Variants in EFL1 observed in about 807,000 individuals in gnomAD.
EFL1 encodes the protein elongation factor like GTPase 1.
Under a neutral mutation model 126.7 loss-of-function variants are expected in EFL1, and 76 were observed. The observed-to-expected ratio is 0.60, with a 90% CI of 0.50 to 0.73. The LOEUF (loss-of-function observed/expected upper bound fraction) is 0.73. Ranked by LOEUF, EFL1 falls within the 30% of genes least tolerant of loss-of-function variation. EFL1 has a pLI of 0.00. For missense variants in EFL1, 1,128 were observed against 1,343.2 expected (o/e 0.84, Z 2.50); for synonymous variants, 410 against 448.4 (o/e 0.91, Z 1.08).
chr15:82,183,199 G>A (rs2074270464), intron 15 of EFL1, among the ~76,000 whole-genome samples: 1 of 152,194 alleles, frequency 6.6e-6, no homozygotes, highest in African/African-American at 2.4e-5. Context: ...CTCAAATGTA[G>A]GGAGAAAGAA....
intron 15 of EFL1, among the ~76,000 whole-genome samples, chr15:82,199,191 A>G (rs1176175575): frequency 6.6e-6 from 1 of 152,204 alleles, no homozygotes; most frequent in Non-Finnish European, 1.5e-5. Flanking sequence ...GGCTATGTCA[A>G]TGCAGGAAAA....
intron 12 of EFL1, among the ~76,000 whole-genome samples, chr15:82,221,188 C>T (rs2074708231): frequency 6.6e-6 from 1 of 152,194 alleles, no homozygotes; most frequent in Non-Finnish European, 1.5e-5. Flanking sequence ...GGTCCCAACA[C>T]TTTGTGCCTC....
chr15:82,259,220 A>G, intron 2 of EFL1, 65 bp from the exon 3 acceptor site: 1 of 1,391,636 alleles, frequency 7.2e-7, no homozygotes, highest in South Asian at 1.2e-5. Context: ...GATCATACCT[A>G]TAGATTTAAA....
intron 19 of EFL1, among the ~76,000 whole-genome samples, chr15:82,138,437 T>A (rs1325982188): frequency 2.6e-5 from 4 of 151,344 alleles, no homozygotes; most frequent in Admixed American, 6.6e-5. Context: ...TGTATGTGTG[T>A]GTGTGTGTGT....
At chr15:82,170,356 C>T (rs573467742) in intron 15 of EFL1, among the ~76,000 whole-genome samples, 8 of 152,002 alleles carry the variant, frequency 5.3e-5, no homozygotes, top group African/African-American at 7.2e-5. Flanking sequence ...CCTCGTGATC[C>T]GCCCGCCTCG....
At chr15:82,239,147 T>C (rs1416098654) in intron 6 of EFL1, among the ~76,000 whole-genome samples, 1 of 152,176 alleles carries the variant, frequency 6.6e-6, no homozygotes, top group Admixed American at 6.5e-5. Context: ...AATTTTTTTC[T>C]TTTTTCTGAG....
intron 19 of EFL1, among the ~76,000 whole-genome samples, chr15:82,132,599 C>CA (rs1186975344): frequency 2.1e-5 from 3 of 140,580 alleles, no homozygotes; most frequent in African/African-American, 8.0e-5. Context: ...TGGGTGACAG[C>CA]AAGTCTAAGG....
intron 15 of EFL1, among the ~76,000 whole-genome samples, chr15:82,181,896 GC>G (rs1567053558): frequency 6.6e-6 from 1 of 151,806 alleles, no homozygotes; most frequent in African/African-American, 2.4e-5. Flanking sequence ...ATAACCTCCC[GC>G]CCTCTAAAAA....
chr15:82,171,729 G>A (rs1289157193), intron 15 of EFL1, among the ~76,000 whole-genome samples: 2 of 151,918 alleles, frequency 1.3e-5, no homozygotes, highest in Non-Finnish European at 2.9e-5. Flanking sequence ...GAGTGGGGAG[G>A]GAGGTTGGAT....
chr15:82,212,656 G>A (rs1283916545), intron 15 of EFL1, among the ~76,000 whole-genome samples: 1 of 152,150 alleles, frequency 6.6e-6, no homozygotes, highest in East Asian at 1.9e-4. Context: ...CCTTAATGGA[G>A]GCACCTCAGG....
intron 15 of EFL1, chr15:82,174,515 A>G (rs1325797906): frequency 6.6e-6 from 1 of 152,232 alleles, no homozygotes; most frequent in African/African-American, 2.4e-5. Context: ...TATACTGTAA[A>G]TGGATTACAT....
At chr15:82,212,917 T>C (rs2074604855) in intron 15 of EFL1, among the ~76,000 whole-genome samples, 1 of 152,270 alleles carries the variant, frequency 6.6e-6, no homozygotes, top group South Asian at 2.1e-4. Context: ...TTGACCCTTG[T>C]GCTCTCTTCC....
chr15:82,262,019 C>G (rs2075127534), intron 1 of EFL1: 1 of 407,872 alleles, frequency 2.5e-6, no homozygotes, highest in Non-Finnish European at 4.4e-6. Flanking sequence ...CTCATCCTTC[C>G]GGATCCAAAG....
In EFL1 at chr15:82,262,636, C is replaced by T. The variant is rs568262174; in HGVS notation, c.-42G>A. 1 of 464,242 alleles carries T rather than the reference C, an allele frequency of 2.2e-6. No homozygotes were observed. The highest frequency in any genetic ancestry group is 2.4e-5 in the South Asian group (1 of 40,966). The allele number at this position is 464,242 out of a possible 1,614,324, so 28.8% of individuals were successfully genotyped here. ...CACCGGCTGCAGCAGCCCCACCAGC[C>T]CCGCTCCTTCTCTCGGGTCGCACCC... is the stretch of plus-strand genomic sequence containing the variant. On this transcript the variant is annotated 5_prime_UTR_variant, in exon 1 of 20. Coordinates refer to ENST00000268206, the MANE Select transcript of EFL1 (RefSeq NM_024580.6).
chr15:82,179,687 C>G (rs1402343683), intron 15 of EFL1, among the ~76,000 whole-genome samples: 1 of 152,020 alleles, frequency 6.6e-6, no homozygotes, highest in Non-Finnish European at 1.5e-5. Flanking sequence ...GTGGCCCTCC[C>G]TCCCTCCACT....
intron 15 of EFL1, among the ~76,000 whole-genome samples, chr15:82,179,948 C>A (rs66701409): frequency 0.15 from 22,671 of 152,036 alleles, 3,018 homozygotes; most frequent in African/African-American, 0.36. Context: ...GGTCCCTGGT[C>A]TACAAATATC....
chr15:82,256,171 T>C (rs1292754681), intron 3 of EFL1, among the ~76,000 whole-genome samples: 1 of 152,168 alleles, frequency 6.6e-6, no homozygotes, highest in African/African-American at 2.4e-5. Flanking sequence ...GGAGTGCAGT[T>C]GCTGTCACAG....
At chr15:82,132,546 A>AGC (rs201337030) in intron 19 of EFL1, among the ~76,000 whole-genome samples, 1 of 118,330 alleles carries the variant, frequency 8.5e-6, no homozygotes, top group Non-Finnish European at 1.7e-5. Context: ...GAGAGCAGCC[A>AGC]GGGGGCACAG....
rs374727233 is a variant in EFL1 at position 82,218,974 on chromosome 15, C to T, written c.1611+678G>A. On this transcript the variant is annotated intron_variant, in intron 14 of 19. Transcript: ENST00000268206. ...AGCATGGGTTTTTGTGCTCATGATG[C>T]TCCACGGTGCCAGCTGACAATTTCC... Among the ~76,000 whole-genome samples the T allele has an allele frequency of 1.3e-3, 197 of 152,264 alleles. 1 individual carries two copies. The highest frequency in any genetic ancestry group is 4.6e-3 in the African/African-American group (191 of 41,546).
Sources: allele counts gnomAD v4.1 joint callset (sites outside exome capture counted in the v4.1 genomes callset), GRCh38; gene constraint gnomAD v4.1.1; transcripts MANE v1.5; gene names NCBI Gene and HGNC (gene_info 2026-07-23, HGNC 2026-07-21).